The following SIGLEC11 variants were observed in gnomAD, a reference collection of about 807,000 sequenced individuals.
SIGLEC11 encodes sialic acid binding Ig like lectin 11.
A neutral mutation model predicts 61.2 loss-of-function variants in SIGLEC11; 47 were observed. The observed-to-expected ratio is 0.77, with a 90% CI of 0.61 to 0.98. The LOEUF (loss-of-function observed/expected upper bound fraction) is 0.98. Among genes scored for constraint, SIGLEC11 ranks in the 50% least tolerant of loss-of-function variants. The probability of loss-of-function intolerance (pLI) is 0.00; values close to 1 mark genes in which losing one functional copy is unlikely to be tolerated. For missense variants in SIGLEC11, 610 were observed against 870.3 expected, an observed-to-expected ratio of 0.70 and a Z score of 3.76; for synonymous variants, 278 against 373.1, an observed-to-expected ratio of 0.75 and a Z score of 2.94.
In SIGLEC11 at chr19:49,955,549, C is replaced by T. The variant is rs2122894100; in HGVS notation, c.1651+2734G>A. The stretch of plus-strand genomic sequence containing the variant: ...GCCGTAGCCCAGTCCCACTGGCCAG[C>T]TGTAGGAGCAGGATAACTCAGGAAG... On this transcript the variant is annotated intron_variant, in intron 8 of 10. Transcript: ENST00000447370. The surrounding 1 kb of genome is among the most constrained non-coding windows in gnomAD (Gnocchi z 4.5). 6.6e-6 allele frequency among the ~76,000 whole-genome samples: 1 copy of T among 152,250 alleles called. No homozygotes were observed. The highest frequency in any genetic ancestry group is 2.1e-4 in the South Asian group (1 of 4,826).
chr19:49,956,931 A>C (rs2076200597), intron 8 of SIGLEC11, among the ~76,000 whole-genome samples: 1 of 152,254 alleles, frequency 6.6e-6, no homozygotes, highest in African/African-American at 2.4e-5. Flanking sequence ...CTGCCTAAAA[A>C]TCGCTGACAA....
Position 49,950,219 on chromosome 19 carries a change from G to A in SIGLEC11, c.1848C>T (p.Cys616=). The part of the protein sequence containing the change: ...GPISQGHQHE[C]SAGSSQDHPP... Reference sequence around the variant, plus strand: ...GGTGGTCTTGGGAGCTGCCTGCCGAGCATTCATGCTGGTGACCCTGAATGC... The same window carrying A: ...GGTGGTCTTGGGAGCTGCCTGCCGAACATTCATGCTGGTGACCCTGAATGC... Residue 616 remains cysteine (C), a synonymous_variant, in exon 11 of 11, where the codon TGC becomes TGT. Transcript: ENST00000447370. 5.0e-6 allele frequency: 8 copies of A among 1,591,658 alleles called. No homozygotes were observed. Among genetic ancestry groups the A allele is most frequent in the Non-Finnish European group, 6.8e-6 (8 of 1,171,770 alleles).
Position 49,951,206 on chromosome 19 carries a change from T to C in SIGLEC11, c.1830+685A>G, listed in dbSNP as rs947370088. The stretch of plus-strand genomic sequence containing the variant: ...CAGTGAACCCTGGACCCAGGTTTGG[T>C]GGAGCTTCCCAGGTGAGCGGTGCCC... On this transcript the variant is annotated intron_variant, in intron 10 of 10. Transcript: ENST00000447370. This position sits in a 1 kb window ranked among gnomAD's most constrained non-coding sequence, Gnocchi z 4.6. 1.3e-5 allele frequency among the ~76,000 whole-genome samples: 2 copies of C among 152,156 alleles called. No homozygotes were observed. The highest frequency in any genetic ancestry group is 4.8e-5 in the African/African-American group (2 of 41,442).
chr19:49,950,365 G>T, intron 10 of SIGLEC11, 129 bp from the exon 11 acceptor site: 3 of 1,000,886 alleles, frequency 3.0e-6, no homozygotes, highest in South Asian at 4.6e-5. Flanking sequence ...AGGTCAGCTG[G>T]GCCCTCATTC....
intron 9 of SIGLEC11, 105 bp from the exon 10 acceptor site, chr19:49,952,077 G>C: frequency 8.2e-7 from 1 of 1,217,830 alleles, no homozygotes; most frequent in East Asian, 2.5e-5. Flanking sequence ...GAGCCCAGTG[G>C]GGTGGGGACA....
At chr19:49,957,215 T>C (rs1427434270) in intron 8 of SIGLEC11, among the ~76,000 whole-genome samples, 1 of 152,174 alleles carries the variant, frequency 6.6e-6, no homozygotes, top group Non-Finnish European at 1.5e-5. Context: ...TGCATAAATA[T>C]CAACCTTTGT....
chr19:49,950,049 A>C lies in SIGLEC11; in HGVS notation c.2018T>G (p.Ile673Ser), dbSNP rs201746673. 210 of 1,604,110 alleles carry C rather than the reference A, an allele frequency of 1.3e-4. 2 individuals are homozygous for C. Among genetic ancestry groups the C allele is most frequent in the Non-Finnish European group, 4.6e-5 (54 of 1,173,756 alleles). ...GCCCCTCAGGGGCTGTCCTGTGTGG[A>C]TCTTGATCTCCGAGTACTCGGTGGT... ...PSTTEYSEIK[I>S]HTGQPLRGPG... is the part of the protein sequence containing the mutation. The change falls in exon 11 of 11, where the codon ATC (isoleucine) becomes AGC (serine). Residue 673 changes from isoleucine (I) to serine (S), a missense_variant. Transcript: ENST00000447370.
intron 8 of SIGLEC11, among the ~76,000 whole-genome samples, chr19:49,954,761 C>G (rs931643582): frequency 3.9e-5 from 6 of 152,008 alleles, no homozygotes; most frequent in Non-Finnish European, 8.8e-5. Context: ...GGCAGCTCTC[C>G]CCTGGCTAAA....
chr19:49,950,629 G>A (rs2076153052), intron 10 of SIGLEC11, among the ~76,000 whole-genome samples: 1 of 152,158 alleles, frequency 6.6e-6, no homozygotes, highest in African/African-American at 2.4e-5. Context: ...TGACTCCAGT[G>A]CCCGCTGCCT....
chr19:49,955,224 CAGCTA>C lies in SIGLEC11; in HGVS notation c.1652-2835_1652-2831del, dbSNP rs2076187260. ...CGAAAGCAACAAGCGAGGCACCAAG[CAGCTA>C]GGCACACCAAGGGTTTAGTCCCTCT... On this transcript the variant is annotated intron_variant, in intron 8 of 10. Transcript: ENST00000447370. This position sits in a 1 kb window ranked among gnomAD's most constrained non-coding sequence, Gnocchi z 4.5. 6.7e-6 allele frequency among the ~76,000 whole-genome samples: 1 copy of C among 150,056 alleles called. No homozygotes were observed. The highest frequency in any genetic ancestry group is 1.5e-5 in the Non-Finnish European group (1 of 67,862).
In SIGLEC11 at chr19:49,958,518, G is replaced by T; in HGVS notation, c.1416C>A (p.His472Gln). ...PSCSWEAEGL[H>Q]CSCSSQASPA... ...GGCTGGCCTGGGAGGAGCAGCTGCA[G>T]TGCAGACCCTCAGCCTCCCAGGAGC... The change falls in exon 8 of 11, where the codon CAC becomes CAA. Residue 472 changes from histidine (H) to glutamine (Q), a missense_variant. Coordinates refer to ENST00000447370, the MANE Select transcript of SIGLEC11 (RefSeq NM_052884.3). The T allele has an allele frequency of 6.2e-7, 1 of 1,601,216 alleles. No homozygotes were observed.
Position 49,950,188 on chromosome 19 carries a change from G to A in SIGLEC11, c.1879C>T (p.Pro627Ser), listed in dbSNP as rs1485663290. 6.2e-7 allele frequency: 1 copy of A among 1,605,884 alleles called. No individual in the cohort carries two copies. Among genetic ancestry groups the A allele is most frequent in the South Asian group, 1.1e-5 (1 of 90,464 alleles). Residue 627 changes from proline (P) to serine (S), a missense_variant, in exon 11 of 11, where the codon CCA (proline) becomes TCA (serine). Transcript: ENST00000447370. ...SAGSSQDHPP[P>S]GAATYTPGKG... is the part of the protein sequence containing the mutation. The stretch of plus-strand genomic sequence containing the variant: ...CCCGGGGTGTAGGTGGCTGCACCTG[G>A]GGGCGGGTGGTCTTGGGAGCTGCCT...
At chr19:49,952,231 G>A in intron 9 of SIGLEC11, 67 bp downstream of exon 9, 1 of 1,489,782 alleles carries the variant, frequency 6.7e-7, no homozygotes, top group South Asian at 1.2e-5. Context: ...CCTGCAGCTG[G>A]GACTGTCTGG....
chr19:49,952,222 C>G, intron 9 of SIGLEC11, 76 bp downstream of exon 9: 1 of 1,450,364 alleles, frequency 6.9e-7, no homozygotes, highest in Non-Finnish European at 9.5e-7. Context: ...ATCTAGATTC[C>G]TGCAGCTGGG....
intron 8 of SIGLEC11, among the ~76,000 whole-genome samples, chr19:49,953,836 T>C (rs1414410604): frequency 1.3e-5 from 2 of 152,106 alleles, no homozygotes; most frequent in Non-Finnish European, 2.9e-5. Flanking sequence ...GGAAAGTCCA[T>C]CAAAACTTAC....
chr19:49,949,791 G>T lies in SIGLEC11; in HGVS notation c.*179C>A. On this transcript the variant is annotated 3_prime_UTR_variant, in exon 11 of 11. Coordinates refer to ENST00000447370, the MANE Select transcript of SIGLEC11 (RefSeq NM_052884.3). Reference sequence around the variant, plus strand: ...TGGCAGGTTGAGGCTACAGTGAGCTGAGATTGCACCACTGGACTCTGGCCT... The same window carrying T: ...TGGCAGGTTGAGGCTACAGTGAGCTTAGATTGCACCACTGGACTCTGGCCT... The T allele has an allele frequency of 1.9e-6, 1 of 540,208 alleles. No homozygotes were observed. The highest frequency in any genetic ancestry group is 2.8e-6 in the Non-Finnish European group (1 of 357,424). 33.5% of individuals were successfully genotyped at this position (540,208 alleles called of 1,614,324 possible).
intron 5 of SIGLEC11, 61 bp from the exon 6 acceptor site, chr19:49,959,138 A>T: frequency 6.2e-7 from 1 of 1,604,318 alleles, no homozygotes; most frequent in Non-Finnish European, 8.5e-7. Context: ...GGGTAAAGGG[A>T]ACTATCCTGG....
rs967712535 is a variant in SIGLEC11, at chr19:49,958,517, A to G, written c.1417T>C (p.Cys473Arg). ...SCSWEAEGLH[C>R]SCSSQASPAP... ...GGGCTGGCCTGGGAGGAGCAGCTGCAGTGCAGACCCTCAGCCTCCCAGGAG... is the reference window on the plus strand; with the variant it reads ...GGGCTGGCCTGGGAGGAGCAGCTGCGGTGCAGACCCTCAGCCTCCCAGGAG... Residue 473 changes from cysteine (C) to arginine (R), a missense_variant, in exon 8 of 11, where the codon TGC becomes CGC. Transcript: ENST00000447370. 8 of 1,600,912 alleles carry G rather than the reference A, an allele frequency of 5.0e-6. No individual in the cohort carries two copies. The Admixed American group carries it at 7.0e-5, about 14-fold the overall frequency.
At chr19:49,956,995 C>T (rs1207695830) in intron 8 of SIGLEC11, among the ~76,000 whole-genome samples, 1 of 152,154 alleles carries the variant, frequency 6.6e-6, no homozygotes, top group Non-Finnish European at 1.5e-5. Flanking sequence ...GCCCATGTTC[C>T]AGTTCAAACT....
Sources: allele counts gnomAD v4.1 joint callset (sites outside exome capture counted in the v4.1 genomes callset), GRCh38; gene constraint gnomAD v4.1.1; non-coding constraint Gnocchi (gnomAD v3.1); transcripts MANE v1.5; gene names NCBI Gene and HGNC (gene_info 2026-07-23, HGNC 2026-07-21).